Variants in MAGI1 observed in about 807,000 individuals in gnomAD.
MAGI1 encodes membrane associated guanylate kinase, WW and PDZ domain containing 1.
Under a neutral mutation model 139.9 loss-of-function variants are expected in MAGI1, and 58 were observed. The observed-to-expected ratio is 0.41, with a 90% CI of 0.34 to 0.52. MAGI1 has a LOEUF of 0.52. MAGI1 is among the 20% of genes least tolerant of loss of function. The probability of loss-of-function intolerance (pLI) is 0.12; values close to 1 mark genes in which losing one functional copy is unlikely to be tolerated. For missense variants in MAGI1, 1,874 were observed against 1,901.6 expected, an observed-to-expected ratio of 0.99 and a Z score of 0.27; for synonymous variants, 812 against 737.9, an observed-to-expected ratio of 1.10 and a Z score of -1.63.
chr3:66,023,182 C>T (rs1354854845), intron 1 of MAGI1, among the ~76,000 whole-genome samples: 1 of 152,072 alleles, frequency 6.6e-6, no homozygotes, highest in Non-Finnish European at 1.5e-5. Context: ...ATAGAATATC[C>T]TATCTAAAAT....
intron 1 of MAGI1, among the ~76,000 whole-genome samples, chr3:66,006,987 T>C (rs1384096098): frequency 6.7e-6 from 1 of 149,208 alleles, no homozygotes; most frequent in African/African-American, 2.6e-5. Flanking sequence ...CATGTCACCA[T>C]GCCCAGCTAT....
chr3:65,897,297 GCC>G (rs1432465915), intron 1 of MAGI1, among the ~76,000 whole-genome samples: 1 of 152,066 alleles, frequency 6.6e-6, no homozygotes, highest in Non-Finnish European at 1.5e-5. Context: ...ACTTTGAGGG[GCC>G]AAGGCAGGAG....
chr3:65,454,533 AT>A (rs1416926509), intron 5 of MAGI1, among the ~76,000 whole-genome samples: 2 of 71,598 alleles, frequency 2.8e-5, no homozygotes, highest in Non-Finnish European at 7.2e-5. Flanking sequence ...AAGTATAATA[AT>A]AATAATAATA....
intron 1 of MAGI1, among the ~76,000 whole-genome samples, chr3:65,662,511 A>G (rs577473223): frequency 1.1e-4 from 17 of 152,358 alleles, no homozygotes; most frequent in Non-Finnish European, 1.9e-4. Flanking sequence ...TGGTTTACCA[A>G]TCACTGATCT....
chr3:65,969,086 A>G lies in MAGI1; in HGVS notation c.313+68910T>C, dbSNP rs574956862. On this transcript the variant is annotated intron_variant, in intron 1 of 22. Transcript: ENST00000402939. The stretch of plus-strand genomic sequence containing the variant: ...ATTCAAGCGAAAGAGTAAAGTTATT[A>G]TCATACTGAGGTCCTTCATAGAACC... 1.1e-3 allele frequency among the ~76,000 whole-genome samples: 175 copies of G among 152,356 alleles called. 4 individuals are homozygous for G. The highest frequency in any genetic ancestry group is 3.8e-3 in the African/African-American group (159 of 41,584).
intron 1 of MAGI1, among the ~76,000 whole-genome samples, chr3:65,725,110 G>A (rs10510943): frequency 0.044 from 6,685 of 152,238 alleles, 206 homozygotes; most frequent in Non-Finnish European, 0.07. Flanking sequence ...ATGCTTAGAA[G>A]GAAACAACTC....
chr3:65,996,518 G>C (rs559799452), intron 1 of MAGI1, among the ~76,000 whole-genome samples: 1 of 119,988 alleles, frequency 8.3e-6, no homozygotes, highest in African/African-American at 3.2e-5. Context: ...TATATTTAGT[G>C]ATAACTATAA....
intron 4 of MAGI1, among the ~76,000 whole-genome samples, chr3:65,473,438 C>T (rs1950674657): frequency 6.6e-6 from 1 of 152,074 alleles, no homozygotes; most frequent in African/African-American, 2.4e-5. Flanking sequence ...CCTCTTATTG[C>T]AACTACAACT....
chr3:65,794,072 C>T (rs766344169), intron 1 of MAGI1, among the ~76,000 whole-genome samples: 28 of 152,152 alleles, frequency 1.8e-4, no homozygotes, highest in Non-Finnish European at 3.4e-4. Flanking sequence ...GAACACGACT[C>T]GACCTGGACC....
chr3:65,953,122 A>C (rs1040339717), intron 1 of MAGI1, among the ~76,000 whole-genome samples: 4 of 152,180 alleles, frequency 2.6e-5, no homozygotes, highest in Admixed American at 2.6e-4. Flanking sequence ...TCTCAAAGGG[A>C]GGGCAATGCC....
intron 1 of MAGI1, among the ~76,000 whole-genome samples, chr3:65,950,932 G>A (rs1251952915): frequency 7.1e-6 from 1 of 140,126 alleles, no homozygotes. Context: ...AATACACTAG[G>A]AACAATGATA....
intron 1 of MAGI1, among the ~76,000 whole-genome samples, chr3:66,009,608 C>T (rs899327469): frequency 6.6e-6 from 1 of 152,148 alleles, no homozygotes; most frequent in Non-Finnish European, 1.5e-5. Context: ...GAATGCCTAA[C>T]GATACCTACA....
At chr3:65,551,052 G>C (rs1027442007) in intron 2 of MAGI1, among the ~76,000 whole-genome samples, 3 of 152,184 alleles carry the variant, frequency 2.0e-5, no homozygotes, top group South Asian at 4.1e-4. Context: ...TGTGTCCAGG[G>C]AGAGACCTGT....
chr3:65,656,964 A>G (rs180829874), intron 1 of MAGI1, among the ~76,000 whole-genome samples: 1 of 132,364 alleles, frequency 7.6e-6, no homozygotes, highest in East Asian at 2.3e-4. Context: ...TGGGTGACAC[A>G]GGAGGACACC....
At chr3:65,800,586 C>T (rs1219329106) in intron 1 of MAGI1, among the ~76,000 whole-genome samples, 3 of 151,564 alleles carry the variant, frequency 2.0e-5, no homozygotes, top group South Asian at 2.1e-4. Context: ...ATCAGAAATG[C>T]ATCCAATAAG....
chr3:65,936,102 G>A (rs187479838), intron 1 of MAGI1, among the ~76,000 whole-genome samples: 37 of 152,324 alleles, frequency 2.4e-4, no homozygotes, highest in Admixed American at 2.4e-3. Context: ...CACAGGACCA[G>A]GTTAAGGACT....
chr3:65,688,216 A>T (rs2088236699), intron 1 of MAGI1: 2 of 797,578 alleles, frequency 2.5e-6, no homozygotes, highest in East Asian at 6.6e-5. Flanking sequence ...ACCCTAGAAC[A>T]GCAGGACATA....
chr3:65,831,596 T>C (rs562473039), intron 1 of MAGI1, among the ~76,000 whole-genome samples: 9 of 152,292 alleles, frequency 5.9e-5, no homozygotes, highest in Non-Finnish European at 1.0e-4. Flanking sequence ...GCTACCACTA[T>C]AAAAATGCCG....
At chr3:65,658,581 G>C (rs1297420798) in intron 1 of MAGI1, among the ~76,000 whole-genome samples, 2 of 152,142 alleles carry the variant, frequency 1.3e-5, no homozygotes, top group African/African-American at 4.8e-5. Flanking sequence ...TGCTCATTCT[G>C]ATTCAGTAGG....
Sources: gnomAD v4.1 joint callset for allele counts (sites outside exome capture counted in the v4.1 genomes callset) on GRCh38, gnomAD v4.1.1 for gene constraint, MANE v1.5 for transcripts, NCBI Gene and HGNC (gene_info 2026-07-23, HGNC 2026-07-21) for gene names.